The following CNKSR3 variants were observed in gnomAD, a reference collection of about 807,000 sequenced individuals.
CNKSR3 encodes connector enhancer of kinase suppressor of ras 3.
CNKSR3 carries 36 observed loss-of-function variants against 67.7 expected under a neutral mutation model. That is an observed-to-expected ratio of 0.53 (90% CI 0.41 to 0.70). The LOEUF (loss-of-function observed/expected upper bound fraction) is 0.70, where lower values mean the gene tolerates loss of function less well. CNKSR3 is among the 30% of genes least tolerant of loss of function. The pLI, the probability that CNKSR3 is intolerant of heterozygous loss-of-function variation, is 0.00. For synonymous variants in CNKSR3, 281 were observed against 271.4 expected, an observed-to-expected ratio of 1.04 and a Z score of -0.35; for missense variants, 630 against 695.2, an observed-to-expected ratio of 0.91 and a Z score of 1.05.
intron 12 of CNKSR3, among the ~76,000 whole-genome samples, chr6:154,409,881 CAAAA>C (rs56081008): frequency 1.6e-5 from 2 of 126,610 alleles, no homozygotes; most frequent in Non-Finnish European, 3.3e-5. Context: ...CTGTCTCTAC[CAAAA>C]AAAAAAAAAA....
At chr6:154,469,493 G>A (rs998428971) in intron 1 of CNKSR3, among the ~76,000 whole-genome samples, 2 of 152,134 alleles carry the variant, frequency 1.3e-5, no homozygotes, top group African/African-American at 2.4e-5. Flanking sequence ...CAAAGGCTAC[G>A]TGGGCACCAT....
Position 154,392,860 on chromosome 6 carries a change from T to C in CNKSR3, c.*13494A>G, listed in dbSNP as rs1054983595. 6.6e-6 allele frequency: 1 copy of C among 152,318 alleles called. No individual in the cohort carries two copies. Among genetic ancestry groups the C allele is most frequent in the Non-Finnish European group, 1.5e-5 (1 of 68,134 alleles). The allele number at this position is 152,318 out of a possible 1,614,324, so 9.4% of individuals were successfully genotyped here. The stretch of plus-strand genomic sequence containing the variant: ...TGACTTCTTTTCTGGGAAACCAACT[T>C]CTAGAACACTTTGAAATGTTAGCAT... On this transcript the variant is annotated 3_prime_UTR_variant, in exon 13 of 13. Coordinates refer to ENST00000607772, the MANE Select transcript of CNKSR3 (RefSeq NM_173515.4).
intron 9 of CNKSR3, 124 bp downstream of exon 9, chr6:154,422,382 T>C (rs977963260): frequency 4.8e-5 from 42 of 873,706 alleles, no homozygotes; most frequent in Non-Finnish European, 6.8e-5. Flanking sequence ...GGCAGGAGTA[T>C]AGGATAATTA....
chr6:154,430,510 CCT>C lies in CNKSR3; in HGVS notation c.629_630del (p.Glu210GlyfsTer8). The C allele has an allele frequency of 6.2e-7, 1 of 1,612,212 alleles. No homozygotes were observed. Among genetic ancestry groups the C allele is most frequent in the Non-Finnish European group, 8.5e-7 (1 of 1,179,308 alleles). On this transcript the variant is annotated frameshift_variant, in exon 6 of 13. Transcript: ENST00000607772. LOFTEE classifies it high-confidence loss of function. ...DPVMSQCACL[E>X]EVHLPNIKPG... ...GGTTTAATGTTTGGTAAGTGAACTT[CCT>C]CCAGACATGCACACTGGCTCATCAC... is the stretch of plus-strand genomic sequence containing the variant.
intron 1 of CNKSR3, among the ~76,000 whole-genome samples, chr6:154,507,019 C>CA (rs1787117516): frequency 6.6e-6 from 1 of 152,180 alleles, no homozygotes; most frequent in Non-Finnish European, 1.5e-5. Flanking sequence ...TGCTGGGTGA[C>CA]ATCGGTCAAT....
At chr6:154,429,311 C>T (rs555797399) in intron 6 of CNKSR3, among the ~76,000 whole-genome samples, 4 of 152,102 alleles carry the variant, frequency 2.6e-5, no homozygotes, top group Non-Finnish European at 5.9e-5. Flanking sequence ...GATGAGAGCC[C>T]CATCAAACAC....
chr6:154,440,782 C>G (rs1172502404), intron 4 of CNKSR3, among the ~76,000 whole-genome samples: 1 of 152,156 alleles, frequency 6.6e-6, no homozygotes, highest in African/African-American at 2.4e-5. Flanking sequence ...TGCCCTCTAG[C>G]CCTGACCCAT....
At chr6:154,503,540 A>C (rs780041503) in intron 1 of CNKSR3, among the ~76,000 whole-genome samples, 9 of 151,794 alleles carry the variant, frequency 5.9e-5, no homozygotes, top group Non-Finnish European at 1.5e-5. Flanking sequence ...ACACAGGATG[A>C]TCACTCAAGC....
intron 1 of CNKSR3, among the ~76,000 whole-genome samples, chr6:154,499,566 A>T (rs954421340): frequency 6.6e-6 from 1 of 152,166 alleles, no homozygotes; most frequent in South Asian, 2.1e-4. Context: ...GGTCTCTTGA[A>T]AAGCTTGGTT....
intron 1 of CNKSR3, 81 bp downstream of exon 1, chr6:154,509,982 G>A (rs1431382170): frequency 1.3e-6 from 2 of 1,502,950 alleles, no homozygotes; most frequent in South Asian, 1.1e-5. Context: ...GGGAGGAAGG[G>A]CCAAGTACCC....
At chr6:154,471,755 G>A (rs570918037) in intron 1 of CNKSR3, among the ~76,000 whole-genome samples, 2 of 152,196 alleles carry the variant, frequency 1.3e-5, no homozygotes, top group East Asian at 1.9e-4. Flanking sequence ...TCCCTGTCAC[G>A]TTTGTGTCTC....
At chr6:154,448,645 C>T (rs890194857) in intron 2 of CNKSR3, among the ~76,000 whole-genome samples, 3 of 152,092 alleles carry the variant, frequency 2.0e-5, no homozygotes, top group African/African-American at 7.2e-5. Flanking sequence ...GCTTCCCAGA[C>T]CCGTGCTCAG....
At chr6:154,483,552 TA>T (rs1051360214) in intron 1 of CNKSR3, among the ~76,000 whole-genome samples, 36 of 148,626 alleles carry the variant, frequency 2.4e-4, no homozygotes, top group Middle Eastern at 3.4e-3. Context: ...CAACTGTCTT[TA>T]AAAAAAAAAC....
At chr6:154,423,501 G>A (rs144619881) in intron 7 of CNKSR3, among the ~76,000 whole-genome samples, 2,821 of 152,182 alleles carry the variant, frequency 0.019, 48 homozygotes, top group African/African-American at 0.043. Flanking sequence ...CAGGTGATCT[G>A]CCCACCTCAG....
At chr6:154,503,084 T>A (rs962398870) in intron 1 of CNKSR3, among the ~76,000 whole-genome samples, 4 of 152,196 alleles carry the variant, frequency 2.6e-5, no homozygotes, top group African/African-American at 9.6e-5. Flanking sequence ...AGAACTGCCA[T>A]GGTTATTTAT....
chr6:154,435,893 A>G (rs1785461341), intron 4 of CNKSR3, among the ~76,000 whole-genome samples: 1 of 152,216 alleles, frequency 6.6e-6, no homozygotes, highest in South Asian at 2.1e-4. Context: ...AACAAAGCCT[A>G]CCTCTGAGAT....
chr6:154,433,660 A>T (rs1024582182), intron 4 of CNKSR3, 153 bp from the exon 5 acceptor site: 4 of 623,046 alleles, frequency 6.4e-6, no homozygotes, highest in Non-Finnish European at 1.2e-5. Context: ...GATGGGAATG[A>T]GAGGGCAGAG....
intron 1 of CNKSR3, among the ~76,000 whole-genome samples, chr6:154,489,457 G>A (rs1279126788): frequency 6.6e-6 from 1 of 151,986 alleles, no homozygotes; most frequent in Admixed American, 6.5e-5. Context: ...CTTGAACCCG[G>A]GAGGTGGAGG....
Position 154,422,503 on chromosome 6 carries a change from T to TA in CNKSR3, c.945+2dup. ...ATGGAGGTTTACAGTTAATCCCAGA[T>TA]ACCTGTACAAGAGGTGGCTTCCACC... On this transcript the variant is annotated splice_region_variant and intron_variant, in intron 9 of 12. Transcript: ENST00000607772. 6.2e-7 allele frequency: 1 copy of TA among 1,613,938 alleles called. No individual in the cohort carries two copies. The highest frequency in any genetic ancestry group is 8.5e-7 in the Non-Finnish European group (1 of 1,179,846).
Sources: gnomAD v4.1 joint callset for allele counts (sites outside exome capture counted in the v4.1 genomes callset) on GRCh38, gnomAD v4.1.1 for gene constraint, MANE v1.5 for transcripts, NCBI Gene and HGNC (gene_info 2026-07-23, HGNC 2026-07-21) for gene names.